The following RTN1 variants were observed in gnomAD, a reference collection of about 807,000 sequenced individuals.
RTN1 encodes the protein reticulon-1.
In RTN1, 25 loss-of-function variants were observed where a neutral mutation model predicts 65.5. That is an observed-to-expected ratio of 0.38 (90% CI 0.28 to 0.53). The LOEUF is 0.53. RTN1 is among the 20% of genes least tolerant of loss of function. RTN1 has a pLI of 0.79. For missense variants in RTN1, 983 were observed against 1,025.4 expected, an observed-to-expected ratio of 0.96 and a Z score of 0.57; for synonymous variants, 471 against 447.6, an observed-to-expected ratio of 1.05 and a Z score of -0.66.
intron 3 of RTN1, among the ~76,000 whole-genome samples, chr14:59,629,667 G>A (rs549355605): frequency 3.9e-5 from 6 of 152,352 alleles, no homozygotes; most frequent in Non-Finnish European, 8.8e-5. Flanking sequence ...GATGTGTGAA[G>A]TGTGAGGCTG....
chr14:59,821,269 G>C (rs970862430), intron 1 of RTN1, among the ~76,000 whole-genome samples: 5 of 152,036 alleles, frequency 3.3e-5, no homozygotes, highest in African/African-American at 1.2e-4. Flanking sequence ...TTCCTTTTGT[G>C]GATATTGTGA....
chr14:59,648,854 G>C (rs1374471489), intron 3 of RTN1, among the ~76,000 whole-genome samples: 1 of 152,152 alleles, frequency 6.6e-6, no homozygotes, highest in Admixed American at 6.6e-5. Context: ...AAACCAGGAA[G>C]CATTCCCCCT....
intron 2 of RTN1, among the ~76,000 whole-genome samples, chr14:59,733,273 A>G (rs989699453): frequency 3.9e-5 from 6 of 152,142 alleles, no homozygotes; most frequent in African/African-American, 1.2e-4. Flanking sequence ...TTGTATTTTT[A>G]GTACATACAG....
intron 3 of RTN1, among the ~76,000 whole-genome samples, chr14:59,721,916 T>C (rs1039429722): frequency 6.6e-6 from 1 of 152,174 alleles, no homozygotes; most frequent in African/African-American, 2.4e-5. Context: ...TGCTCTCCAA[T>C]GGATGGATGG....
At chr14:59,833,094 T>C (rs1434617941) in intron 1 of RTN1, among the ~76,000 whole-genome samples, 1 of 152,144 alleles carries the variant, frequency 6.6e-6, no homozygotes, top group Non-Finnish European at 1.5e-5. Flanking sequence ...ATAACTCAAA[T>C]CAAGAAAGCA....
intron 1 of RTN1, among the ~76,000 whole-genome samples, chr14:59,770,378 CAAAAAAAAAAAAAAA>C (rs774086177): frequency 3.7e-5 from 2 of 53,752 alleles, no homozygotes; most frequent in Non-Finnish European, 6.8e-5. Flanking sequence ...AACTCTGCCT[CAAAAAAAAAAAAAAA>C]AAAAAAAAAA....
intron 1 of RTN1, among the ~76,000 whole-genome samples, chr14:59,830,229 G>A (rs549761832): frequency 5.3e-5 from 8 of 152,238 alleles, no homozygotes; most frequent in Non-Finnish European, 5.9e-5. Flanking sequence ...TAACTACATC[G>A]GATATGAATC....
intron 3 of RTN1, among the ~76,000 whole-genome samples, chr14:59,633,281 C>T (rs563714453): frequency 3.3e-5 from 5 of 152,234 alleles, no homozygotes; most frequent in East Asian, 1.9e-4. Flanking sequence ...TAAAAATTGG[C>T]GGGCTTTAGC....
intron 1 of RTN1, among the ~76,000 whole-genome samples, chr14:59,779,161 T>C (rs983870941): frequency 6.6e-6 from 1 of 150,912 alleles, no homozygotes; most frequent in Non-Finnish European, 1.5e-5. Context: ...GATACAGGAG[T>C]TGTTCAAGAA....
intron 1 of RTN1, among the ~76,000 whole-genome samples, chr14:59,750,888 T>A (rs540915765): frequency 6.7e-6 from 1 of 149,338 alleles, no homozygotes; most frequent in Non-Finnish European, 1.5e-5. Context: ...TAATTTTGTT[T>A]TCATTTTTTC....
At position 59,603,272 on chromosome 14, in the gene RTN1, CAAATATAGTATTA is replaced by C. The variant is rs1391681307; in HGVS notation, c.2183-27_2183-15del. The stretch of plus-strand genomic sequence containing the variant: ...TTGAAACCACAGCTGGGATGAAAAA[CAAATATAGTATTA>C]AAATTCTGAGTTATCAATAAGAATA... On this transcript the variant is annotated splice_polypyrimidine_tract_variant and intron_variant, in intron 6 of 8. Transcript: ENST00000267484. 6.2e-7 allele frequency: 1 copy of C among 1,605,586 alleles called. No individual in the cohort carries two copies. The highest frequency in any genetic ancestry group is 8.5e-7 in the Non-Finnish European group (1 of 1,174,678).
chr14:59,769,505 T>C (rs987702353), intron 1 of RTN1, among the ~76,000 whole-genome samples: 1 of 152,206 alleles, frequency 6.6e-6, no homozygotes. Context: ...CTGAGAACTA[T>C]GTTGGAAACC....
chr14:59,607,246 C>T lies in RTN1; in HGVS notation c.1973+39G>A, dbSNP rs746643488. On this transcript the variant is annotated intron_variant, in intron 4 of 8. Coordinates refer to ENST00000267484, the MANE Select transcript of RTN1 (RefSeq NM_021136.3). ...GAAATACAGGTGAGGGTAAAAGCCC[C>T]TGGTCAGTGGGTGAGGGCTCCTCAG... 760 of 1,584,556 alleles carry T rather than the reference C, an allele frequency of 4.8e-4. 1 individual carries two copies. The highest frequency in any genetic ancestry group is 6.4e-4 in the Non-Finnish European group (735 of 1,156,176).
chr14:59,609,760 T>C (rs1881888688), intron 3 of RTN1, among the ~76,000 whole-genome samples: 1 of 152,212 alleles, frequency 6.6e-6, no homozygotes, highest in African/African-American at 2.4e-5. Flanking sequence ...GCATCACCAC[T>C]AACTGAAGTG....
At chr14:59,645,450 T>C (rs894962554) in intron 3 of RTN1, among the ~76,000 whole-genome samples, 5 of 152,104 alleles carry the variant, frequency 3.3e-5, no homozygotes, top group African/African-American at 1.2e-4. Context: ...GTTTTCTATA[T>C]GTTTGTTACA....
chr14:59,858,280 T>A (rs142217507), intron 1 of RTN1, among the ~76,000 whole-genome samples: 3 of 152,324 alleles, frequency 2.0e-5, no homozygotes, highest in East Asian at 1.9e-4. Context: ...TTCCCTAGGA[T>A]GAGGTCTGTG....
intron 3 of RTN1, among the ~76,000 whole-genome samples, chr14:59,651,682 G>A (rs1376123268): frequency 2.6e-5 from 4 of 152,014 alleles, no homozygotes; most frequent in African/African-American, 9.7e-5. Flanking sequence ...GCATTTCAGT[G>A]AGCCGAGATT....
At chr14:59,844,760 A>G (rs1427201320) in intron 1 of RTN1, among the ~76,000 whole-genome samples, 1 of 152,224 alleles carries the variant, frequency 6.6e-6, no homozygotes, top group East Asian at 1.9e-4. Flanking sequence ...AATTAAAAAT[A>G]TTTTAAAAAA....
intron 1 of RTN1, among the ~76,000 whole-genome samples, chr14:59,834,925 T>A (rs929581587): frequency 2.0e-5 from 3 of 152,208 alleles, no homozygotes; most frequent in Non-Finnish European, 4.4e-5. Flanking sequence ...GTACAGTCAC[T>A]TTAGAAAACA....
Sources: gnomAD v4.1 joint callset for allele counts (sites outside exome capture counted in the v4.1 genomes callset) on GRCh38, gnomAD v4.1.1 for gene constraint, MANE v1.5 for transcripts, NCBI Gene and HGNC (gene_info 2026-07-23, HGNC 2026-07-21) for gene names.